RETREG1: variants seen among roughly 807,000 people sequenced by gnomAD.
RETREG1 encodes the protein family with sequence similarity 134 member B.
RETREG1 carries 44 observed loss-of-function variants against 54.8 expected under a neutral mutation model. That is an observed-to-expected ratio of 0.80 (90% CI 0.63 to 1.03). RETREG1 has a LOEUF of 1.03. RETREG1 is among the 50% of genes least tolerant of loss of function. The probability of loss-of-function intolerance (pLI) is 0.00; values close to 1 mark genes in which losing one functional copy is unlikely to be tolerated. For missense variants in RETREG1, 554 were observed against 605.1 expected, an observed-to-expected ratio of 0.92 and a Z score of 0.89; for synonymous variants, 217 against 238.5, an observed-to-expected ratio of 0.91 and a Z score of 0.83.
Position 16,561,916 on chromosome 5 carries a change from C to A in RETREG1, c.458+3847G>T, listed in dbSNP as rs1741866520. On this transcript the variant is annotated intron_variant, in intron 3 of 8. Coordinates refer to ENST00000306320, the MANE Select transcript of RETREG1 (RefSeq NM_001034850.3). The surrounding 1 kb of genome is among the most constrained non-coding windows in gnomAD (Gnocchi z 4.2). ...AAGAGCATGGAGTGCTTTTTCAAAT[C>A]CACTGAAATTACCCTAGCTCAGCTT... Among the ~76,000 whole-genome samples the A allele has an allele frequency of 6.6e-6, 1 of 152,182 alleles. No individual in the cohort carries two copies. The highest frequency in any genetic ancestry group is 2.1e-4 in the South Asian group (1 of 4,834).
At chr5:16,550,414 A>G (rs182221586) in intron 3 of RETREG1, among the ~76,000 whole-genome samples, 1 of 152,294 alleles carries the variant, frequency 6.6e-6, no homozygotes, top group African/African-American at 2.4e-5. Context: ...AGCTGCCATT[A>G]CAGCATCTGC....
rs776399106 is a variant in RETREG1, at chr5:16,483,338, A to C, written c.585+8T>G. 2 of 1,613,116 alleles carry C rather than the reference A, an allele frequency of 1.2e-6. No homozygotes were observed. The highest frequency in any genetic ancestry group is 3.3e-5 in the Admixed American group (2 of 59,996). ...TTTTAAAACATACTCCTTTACTGGA[A>C]AACTTGCCTTGCCAGGGCTCTGCTG... On this transcript the variant is annotated splice_region_variant and intron_variant, in intron 4 of 8. Coordinates refer to ENST00000306320, the MANE Select transcript of RETREG1 (RefSeq NM_001034850.3).
chr5:16,574,915 T>C (rs1233898871), intron 1 of RETREG1, among the ~76,000 whole-genome samples: 1 of 152,220 alleles, frequency 6.6e-6, no homozygotes, highest in Non-Finnish European at 1.5e-5. Context: ...CCACTAAATT[T>C]GTCCCTCCCC....
At chr5:16,519,182 C>G (rs543335134) in intron 3 of RETREG1, among the ~76,000 whole-genome samples, 66 of 152,236 alleles carry the variant, frequency 4.3e-4, no homozygotes, top group African/African-American at 1.4e-3. Flanking sequence ...GATGGTACCC[C>G]CTCTCTCTCG....
chr5:16,522,767 G>A (rs1740575880), intron 3 of RETREG1, among the ~76,000 whole-genome samples: 1 of 152,152 alleles, frequency 6.6e-6, no homozygotes, highest in African/African-American at 2.4e-5. Flanking sequence ...CAGTTTGAGA[G>A]GCTAAGGTGG....
rs1291515856 is a variant in RETREG1, at chr5:16,592,965, T to C, written c.321-20863A>G. Among the ~76,000 whole-genome samples the C allele has an allele frequency of 2.6e-5, 4 of 152,064 alleles. 1 individual carries two copies. Among genetic ancestry groups the C allele is most frequent in the African/African-American group, 4.8e-5 (2 of 41,396 alleles). The stretch of plus-strand genomic sequence containing the variant: ...GGTACTAGGCTCAGTACCTGGGTGA[T>C]GAAATAATCTGTACAACAAAGCCCA... On this transcript the variant is annotated intron_variant, in intron 1 of 8. Coordinates refer to ENST00000306320, the MANE Select transcript of RETREG1 (RefSeq NM_001034850.3).
chr5:16,556,591 T>C (rs1283380155), intron 3 of RETREG1, among the ~76,000 whole-genome samples: 2 of 152,078 alleles, frequency 1.3e-5, no homozygotes, highest in Admixed American at 1.3e-4. Flanking sequence ...TAAGAAAATA[T>C]AACATTGAAT....
At chr5:16,491,311 A>G (rs183881392) in intron 3 of RETREG1, among the ~76,000 whole-genome samples, 22 of 152,342 alleles carry the variant, frequency 1.4e-4, no homozygotes, top group African/African-American at 4.8e-4. Flanking sequence ...TTTCAGGGCA[A>G]CTATGAATTG....
intron 3 of RETREG1, among the ~76,000 whole-genome samples, chr5:16,536,853 G>T (rs1274813546): frequency 1.3e-5 from 2 of 152,202 alleles, no homozygotes; most frequent in Admixed American, 6.5e-5. Context: ...ACATGAATTT[G>T]CTTGGGAGCT....
chr5:16,609,158 G>A (rs983189263), intron 1 of RETREG1, among the ~76,000 whole-genome samples: 2 of 152,190 alleles, frequency 1.3e-5, no homozygotes, highest in Non-Finnish European at 2.9e-5. Context: ...GGCAGACTAT[G>A]TCCATCACTA....
chr5:16,568,587 A>G (rs1742086680), intron 2 of RETREG1, among the ~76,000 whole-genome samples: 1 of 152,046 alleles, frequency 6.6e-6, no homozygotes, highest in African/African-American at 2.4e-5. Flanking sequence ...TCATCCATCT[A>G]TTTCATATTA....
At chr5:16,587,328 T>C (rs1742651669) in intron 1 of RETREG1, among the ~76,000 whole-genome samples, 1 of 152,228 alleles carries the variant, frequency 6.6e-6, no homozygotes, top group Non-Finnish European at 1.5e-5. Flanking sequence ...ATGATGAATT[T>C]AGATACATGG....
intron 3 of RETREG1, among the ~76,000 whole-genome samples, chr5:16,549,795 T>C (rs1285590920): frequency 1.3e-5 from 2 of 152,174 alleles, no homozygotes; most frequent in Admixed American, 6.5e-5. Context: ...TGAGTCATGA[T>C]TGAAAATATC....
chr5:16,571,966 A>G, intron 2 of RETREG1, 30 bp downstream of exon 2: 3 of 1,510,362 alleles, frequency 2.0e-6, no homozygotes, highest in Non-Finnish European at 2.8e-6. Context: ...AAAATTAAAT[A>G]CCATATAAAT....
rs371131532 is a variant in RETREG1, at chr5:16,537,411, T to G, written c.458+28352A>C. Among the ~76,000 whole-genome samples the G allele has an allele frequency of 1.6e-4, 24 of 152,248 alleles. 1 individual carries two copies. Among genetic ancestry groups the G allele is most frequent in the Admixed American group, 1.2e-3 (19 of 15,288 alleles). On this transcript the variant is annotated intron_variant, in intron 3 of 8. Coordinates refer to ENST00000306320, the MANE Select transcript of RETREG1 (RefSeq NM_001034850.3). ...ACCAGCTGCAAACATCTGCAGCAGCTAAAAGCCAGGGCACTGGGAGTGTGT... is the reference window on the plus strand; with the variant it reads ...ACCAGCTGCAAACATCTGCAGCAGCGAAAAGCCAGGGCACTGGGAGTGTGT...
chr5:16,553,151 G>A (rs758901192), intron 3 of RETREG1, among the ~76,000 whole-genome samples: 5 of 151,756 alleles, frequency 3.3e-5, no homozygotes, highest in East Asian at 3.9e-4. Context: ...CTGCCATATC[G>A]TAAACTCAGA....
chr5:16,522,384 TG>T (rs1740563272), intron 3 of RETREG1, among the ~76,000 whole-genome samples: 1 of 152,298 alleles, frequency 6.6e-6, no homozygotes, highest in South Asian at 2.1e-4. Flanking sequence ...CTCAGAAACA[TG>T]GGGTTATCTC....
At chr5:16,550,863 C>T (rs1741516592) in intron 3 of RETREG1, among the ~76,000 whole-genome samples, 1 of 152,202 alleles carries the variant, frequency 6.6e-6, no homozygotes, top group African/African-American at 2.4e-5. Flanking sequence ...TCATATGTTG[C>T]ATGATTCCAT....
chr5:16,506,678 A>G (rs1159351104), intron 3 of RETREG1, among the ~76,000 whole-genome samples: 1 of 151,978 alleles, frequency 6.6e-6, no homozygotes, highest in African/African-American at 2.4e-5. Flanking sequence ...GAGCCACGGC[A>G]CCAGGCCAGT....
Sources: gnomAD v4.1 joint callset for allele counts (sites outside exome capture counted in the v4.1 genomes callset) on GRCh38, gnomAD v4.1.1 for gene constraint, Gnocchi (gnomAD v3.1) non-coding constraint, MANE v1.5 for transcripts, NCBI Gene and HGNC (gene_info 2026-07-23, HGNC 2026-07-21) for gene names.